EEF1E1: variants seen among roughly 807,000 people sequenced by gnomAD.
The protein encoded by EEF1E1 is eukaryotic translation elongation factor 1 epsilon 1.
In EEF1E1, 19 loss-of-function variants were observed where a neutral mutation model predicts 19.9. That is an observed-to-expected ratio of 0.95 (90% CI 0.66 to 1.40). The LOEUF (loss-of-function observed/expected upper bound fraction) is 1.40. Ranked by LOEUF, EEF1E1 falls within the 40% of genes most tolerant of loss-of-function variation. EEF1E1 has a pLI of 0.00. For missense variants in EEF1E1, 198 were observed against 202.2 expected (o/e 0.98, Z 0.13); for synonymous variants, 81 against 80.0 (o/e 1.01, Z -0.07).
Position 8,079,753 on chromosome 6 carries a change from A to G in EEF1E1, c.*137T>C, listed in dbSNP as rs753975285. On this transcript the variant is annotated 3_prime_UTR_variant, in exon 4 of 4. Transcript: ENST00000379715. The stretch of plus-strand genomic sequence containing the variant: ...AGAACAAATAAAACATTCAGACACA[A>G]GTTTACACTTCAAAAATTCTATCAA... 7 of 1,333,028 alleles carry G rather than the reference A, an allele frequency of 5.3e-6. No homozygotes were observed. The highest frequency in any genetic ancestry group is 3.1e-5 in the Admixed American group (1 of 32,320). The allele number at this position is 1,333,028 out of a possible 1,614,324, so 82.6% of individuals were successfully genotyped here.
At chr6:8,096,099 G>T (rs1758166876) in intron 2 of EEF1E1, among the ~76,000 whole-genome samples, 2 of 152,216 alleles carry the variant, frequency 1.3e-5, no homozygotes, top group African/African-American at 4.8e-5. Flanking sequence ...ACATGTCTCA[G>T]AGATAACACT....
chr6:8,084,027 C>T (rs1292596591), intron 3 of EEF1E1, among the ~76,000 whole-genome samples: 1 of 152,164 alleles, frequency 6.6e-6, no homozygotes, highest in East Asian at 1.9e-4. Flanking sequence ...ACTTTGCCTG[C>T]ACTTGGACTA....
rs193233787 is a variant in EEF1E1, at chr6:8,090,568, T to G, written c.289-287A>C. On this transcript the variant is annotated intron_variant, in intron 2 of 3. Transcript: ENST00000379715. ...ATGTTAAAGTCTAGCTTTTTGTTTT[T>G]GGAAACATTTTGTTACTCATGCTCA... Among the ~76,000 whole-genome samples, 272 of 152,346 alleles carry G rather than the reference T, an allele frequency of 1.8e-3. 3 individuals are homozygous for G. Among genetic ancestry groups the G allele is most frequent in the African/African-American group, 6.3e-3 (261 of 41,584 alleles).
intron 2 of EEF1E1, among the ~76,000 whole-genome samples, chr6:8,096,191 G>C (rs1758169661): frequency 6.6e-6 from 1 of 152,126 alleles, no homozygotes; most frequent in African/African-American, 2.4e-5. Context: ...TTGAAATTCT[G>C]TTCCTATCTT....
intron 2 of EEF1E1, among the ~76,000 whole-genome samples, chr6:8,091,898 A>C (rs1259321954): frequency 6.6e-6 from 1 of 152,234 alleles, no homozygotes; most frequent in Non-Finnish European, 1.5e-5. Context: ...GTCTTAGTCC[A>C]CTTGGGCAAC....
At chr6:8,089,441 C>T (rs182405211) in intron 3 of EEF1E1, among the ~76,000 whole-genome samples, 14 of 152,126 alleles carry the variant, frequency 9.2e-5, no homozygotes, top group African/African-American at 2.2e-4. Context: ...AGAGCCAGTC[C>T]GAGTTCCAAA....
intron 1 of EEF1E1, among the ~76,000 whole-genome samples, chr6:8,099,751 AACACACACACACACACACAC>A (rs1554099744): frequency 1.1e-5 from 1 of 92,928 alleles, no homozygotes; most frequent in Non-Finnish European, 2.0e-5. Flanking sequence ...CCGCCTCAAA[AACACACACACACACACACAC>A]ACACACACAC....
At chr6:8,101,243 A>AAAAAAATATATATAT (rs1271033598) in intron 1 of EEF1E1, among the ~76,000 whole-genome samples, 5 of 58,464 alleles carry the variant, frequency 8.6e-5, no homozygotes, top group African/African-American at 3.9e-4. Context: ...AAAAAAAAAA[A>AAAAAAATATATATAT]ATATATATAT....
downstream of EEF1E1, among the ~76,000 whole-genome samples, chr6:8,078,067 AC>A (rs1757640242): frequency 6.6e-6 from 1 of 152,196 alleles, no homozygotes; most frequent in South Asian, 2.1e-4. Flanking sequence ...ATGAGCCACC[AC>A]ACCCAGCCAG....
chr6:8,099,849 A>C (rs1400019423), intron 1 of EEF1E1, among the ~76,000 whole-genome samples: 4 of 151,912 alleles, frequency 2.6e-5, no homozygotes, highest in Non-Finnish European at 5.9e-5. Context: ...CTAACAATGC[A>C]TTTCTTGAAA....
At chr6:8,077,092 C>T (rs139454203), downstream of EEF1E1, among the ~76,000 whole-genome samples, 1,543 of 151,996 alleles carry the variant, frequency 0.01, 31 homozygotes, top group African/African-American at 0.035. Context: ...TACAGGCGCC[C>T]GCCACCACAC....
At chr6:8,087,173 A>G (rs1279971307) in intron 3 of EEF1E1, among the ~76,000 whole-genome samples, 1 of 152,186 alleles carries the variant, frequency 6.6e-6, no homozygotes, top group African/African-American at 2.4e-5. Flanking sequence ...TCTGGGGCAC[A>G]TGTTGTGGCT....
chr6:8,079,008 G>A (rs1013698608), downstream of EEF1E1, among the ~76,000 whole-genome samples: 12 of 152,086 alleles, frequency 7.9e-5, no homozygotes, highest in African/African-American at 2.9e-4. Flanking sequence ...TAAAGATAAG[G>A]TCTTTAGCTC....
At position 8,079,732 on chromosome 6, in the gene EEF1E1, CAAAT is replaced by C; in HGVS notation, c.*154_*157del. 1 of 1,278,252 alleles carries C rather than the reference CAAAT, an allele frequency of 7.8e-7. No homozygotes were observed. The highest frequency in any genetic ancestry group is 9.9e-7 in the Non-Finnish European group (1 of 1,009,868). 79.2% of individuals were successfully genotyped at this position (1,278,252 alleles called of 1,614,324 possible). On this transcript the variant is annotated 3_prime_UTR_variant, in exon 4 of 4. Transcript: ENST00000379715. ...AAATTGCAAAACTTCAGCTAAAGAACAAATAAAACATTCAGACACAAGTTTACAC... is the reference window on the plus strand; with the variant it reads ...AAATTGCAAAACTTCAGCTAAAGAACAAAACATTCAGACACAAGTTTACAC...
At chr6:8,095,226 C>A (rs980378807) in intron 2 of EEF1E1, among the ~76,000 whole-genome samples, 1 of 152,034 alleles carries the variant, frequency 6.6e-6, no homozygotes, top group Non-Finnish European at 1.5e-5. Context: ...ACTGGCCAGG[C>A]GAGGTGACTC....
In EEF1E1 at chr6:8,094,882, C is replaced by T. The variant is rs192334957; in HGVS notation, c.288+2385G>A. Among the ~76,000 whole-genome samples, 128 of 152,276 alleles carry T rather than the reference C, an allele frequency of 8.4e-4. 2 individuals carry two copies. Among genetic ancestry groups the T allele is most frequent in the African/African-American group, 2.9e-3 (119 of 41,550 alleles). On this transcript the variant is annotated intron_variant, in intron 2 of 3. Coordinates refer to ENST00000379715, the MANE Select transcript of EEF1E1 (RefSeq NM_004280.5). ...CCACTTTATGAATAGTAAACGTATT[C>T]CCTCCGCCTTATGATTTTCTTAATA...
intron 1 of EEF1E1, among the ~76,000 whole-genome samples, chr6:8,101,243 A>AAAATATATATAT (rs1271033598): frequency 5.1e-5 from 3 of 58,478 alleles, no homozygotes; most frequent in Admixed American, 2.5e-4. Flanking sequence ...AAAAAAAAAA[A>AAAATATATATAT]ATATATATAT....
chr6:8,090,242 C>T lies in EEF1E1; in HGVS notation c.328G>A (p.Gly110Arg). ...SYLEDKVYLT[G>R]YNFTLADILL... ...ATATCTGCTAATGTAAAGTTATACCCTGTAAGGTAGACTTTATCTTCAAGA... is the reference window on the plus strand; with the variant it reads ...ATATCTGCTAATGTAAAGTTATACCTTGTAAGGTAGACTTTATCTTCAAGA... The change falls in exon 3 of 4, where the codon GGG (glycine) becomes AGG (arginine). Residue 110 changes from glycine (G) to arginine (R), a missense_variant. By Grantham distance (125) the Gly-to-Arg change is moderately radical. Transcript: ENST00000379715. 6.7e-7 allele frequency: 1 copy of T among 1,502,280 alleles called. No homozygotes were observed. Among genetic ancestry groups the T allele is most frequent in the Non-Finnish European group, 8.8e-7 (1 of 1,134,778 alleles). 93.1% of individuals were successfully genotyped at this position (1,502,280 alleles called of 1,614,324 possible).
chr6:8,101,968 G>A (rs1360737703), intron 1 of EEF1E1: 4 of 1,244,648 alleles, frequency 3.2e-6, no homozygotes, highest in Non-Finnish European at 4.2e-6. Context: ...TGCCTGAGAG[G>A]AGGAAGCATG....
Sources: allele counts gnomAD v4.1 joint callset (sites outside exome capture counted in the v4.1 genomes callset), GRCh38; gene constraint gnomAD v4.1.1; transcripts MANE v1.5; gene names NCBI Gene and HGNC (gene_info 2026-07-23, HGNC 2026-07-21).